Variants in VWF observed in about 807,000 individuals in gnomAD.
VWF encodes the protein von Willebrand factor, also known as Factor VIII related antigen.
A neutral mutation model predicts 308.6 loss-of-function variants in VWF; 176 were observed. That is an observed-to-expected ratio of 0.57 (90% CI 0.50 to 0.65). The LOEUF (loss-of-function observed/expected upper bound fraction) is 0.65, where lower values mean the gene tolerates loss of function less well. Ranked by LOEUF, VWF falls within the 30% of genes least tolerant of loss-of-function variation. VWF has a pLI of 0.00. For missense variants in VWF, 3,146 were observed against 3,648.2 expected (o/e 0.86, Z 3.55); for synonymous variants, 1,385 against 1,443.4 (o/e 0.96, Z 0.92).
chr12:6,100,015 G>C (rs1397720712), intron 5 of VWF, among the ~76,000 whole-genome samples: 2 of 151,452 alleles, frequency 1.3e-5, no homozygotes, highest in African/African-American at 4.9e-5. Flanking sequence ...CTAATATCCA[G>C]AATCTACAAT....
At chr12:5,973,482 C>A (rs117177297) in intron 43 of VWF, among the ~76,000 whole-genome samples, 4 of 152,198 alleles carry the variant, frequency 2.6e-5, no homozygotes, top group Non-Finnish European at 5.9e-5. Flanking sequence ...GGTCACTTGT[C>A]CCCTCTGAGG....
At chr12:6,048,934 G>A (rs1303853890) in intron 16 of VWF, among the ~76,000 whole-genome samples, 1 of 152,134 alleles carries the variant, frequency 6.6e-6, no homozygotes, top group African/African-American at 2.4e-5. Context: ...CCCCGTAAAT[G>A]TCATGTTCAA....
Position 5,967,370 on chromosome 12 carries a change from T to C in VWF, c.7887+116A>G, listed in dbSNP as rs571713194. ...TCTTCTTTATTATTGTCAATTATTG[T>C]TTATAATCAGAAAATAATGAGAGAT... On this transcript the variant is annotated intron_variant, in intron 47 of 51. Coordinates refer to ENST00000261405, the MANE Select transcript of VWF (RefSeq NM_000552.5). 10 of 902,036 alleles carry C rather than the reference T, an allele frequency of 1.1e-5. No individual in the cohort carries two copies. The Middle Eastern group carries it at 9.5e-4, about 86-fold the overall frequency. The allele number at this position is 902,036 out of a possible 1,614,324, so 55.9% of individuals were successfully genotyped here. A position where few individuals can be genotyped will look rare whatever the true frequency, so the allele number is the denominator to read the frequency against.
intron 50 of VWF, among the ~76,000 whole-genome samples, chr12:5,950,864 T>C (rs976555368): frequency 6.6e-6 from 1 of 152,176 alleles, no homozygotes; most frequent in Non-Finnish European, 1.5e-5. Flanking sequence ...TCTTCTTCTC[T>C]GATGGTTTCC....
intron 40 of VWF, among the ~76,000 whole-genome samples, chr12:5,984,224 A>G (rs1182807546): frequency 6.6e-6 from 1 of 152,180 alleles, no homozygotes; most frequent in African/African-American, 2.4e-5. Flanking sequence ...ATTGTAGGAG[A>G]CTAGTAATGT....
rs1565391026 is a variant in VWF at position 6,103,431 on chromosome 12, C to CACACGTGTGTGTATACACGT, written c.532+6942_532+6943insACGTGTATACACACACGTGT. On this transcript the variant is annotated intron_variant, in intron 5 of 51. Coordinates refer to ENST00000261405, the MANE Select transcript of VWF (RefSeq NM_000552.5). Reference sequence around the variant, plus strand: ...GTATACACACGTGTGTGTATACACACGTGTGTATATACATACACATATATG... The same window carrying CACACGTGTGTGTATACACGT: ...GTATACACACGTGTGTGTATACACACACACGTGTGTGTATACACGTGTGTGTATATACATACACATATATG... Among the ~76,000 whole-genome samples the CACACGTGTGTGTATACACGT allele has an allele frequency of 1.6e-4, 18 of 111,652 alleles. 1 individual carries two copies. Among genetic ancestry groups the CACACGTGTGTGTATACACGT allele is most frequent in the African/African-American group, 3.4e-4 (8 of 23,324 alleles). The allele number at this position is 111,652 out of a possible 152,430, so 73.2% of individuals were successfully genotyped here.
At chr12:5,964,274 GCATACATA>G (rs59202475) in intron 47 of VWF, among the ~76,000 whole-genome samples, 4,326 of 134,722 alleles carry the variant, frequency 0.032, 250 homozygotes, top group African/African-American at 0.13. Flanking sequence ...ATACATACAT[GCATACATA>G]CATGCATACA....
At chr12:6,068,261 A>G (rs1944741035) in intron 10 of VWF, among the ~76,000 whole-genome samples, 1 of 152,064 alleles carries the variant, frequency 6.6e-6, no homozygotes, top group Non-Finnish European at 1.5e-5. Flanking sequence ...CCTCTTCTAA[A>G]CAAACCCTTT....
At chr12:6,052,072 A>G (rs151226295) in intron 16 of VWF, among the ~76,000 whole-genome samples, 1 of 152,350 alleles carries the variant, frequency 6.6e-6, no homozygotes, top group Non-Finnish European at 1.5e-5. Flanking sequence ...AGCTGCAGGA[A>G]GCAAGCATGA....
intron 34 of VWF, among the ~76,000 whole-genome samples, chr12:5,998,465 C>CAAAAAAA (rs1179417103): frequency 7.3e-5 from 4 of 54,586 alleles, no homozygotes; most frequent in African/African-American, 1.6e-4. Flanking sequence ...GAGACTCCGT[C>CAAAAAAA]AAAAAAAAAA....
In VWF at chr12:6,003,812, C is replaced by CTA. The variant is rs1376255382; in HGVS notation, c.5843-7591_5843-7590insTA. On this transcript the variant is annotated intron_variant, in intron 34 of 51. Coordinates refer to ENST00000261405, the MANE Select transcript of VWF (RefSeq NM_000552.5). Reference sequence around the variant, plus strand: ...ACAACAATGTGGATTTTCTTTCTCTCTCTTTTTTTTTTTTTTTTTTTGAGA... The same window carrying CTA: ...ACAACAATGTGGATTTTCTTTCTCTCTATCTTTTTTTTTTTTTTTTTTTGAGA... 2.5e-5 allele frequency among the ~76,000 whole-genome samples: 3 copies of CTA among 121,612 alleles called. No homozygotes were observed. The East Asian group carries it at 7.4e-4, about 30-fold the overall frequency. 79.8% of individuals were successfully genotyped at this position (121,612 alleles called of 152,430 possible). A position where few individuals can be genotyped will look rare whatever the true frequency, so the allele number is the denominator to read the frequency against.
At chr12:6,069,131 C>G (rs930030032) in intron 10 of VWF, among the ~76,000 whole-genome samples, 1 of 152,130 alleles carries the variant, frequency 6.6e-6, no homozygotes, top group South Asian at 2.1e-4. Flanking sequence ...GCTGGGATTA[C>G]AGGCGTGAGC....
intron 40 of VWF, 73 bp from the exon 41 acceptor site, chr12:5,983,327 C>T (rs1446911111): frequency 1.4e-6 from 2 of 1,428,634 alleles, no homozygotes; most frequent in African/African-American, 1.4e-5. Flanking sequence ...GAGTGGGATG[C>T]TACATTCCTA....
chr12:6,015,884 G>A (rs193105587), intron 31 of VWF, among the ~76,000 whole-genome samples: 2 of 152,252 alleles, frequency 1.3e-5, no homozygotes, highest in Non-Finnish European at 2.9e-5. Context: ...AAAGATATAG[G>A]ATCAATACAC....
chr12:6,118,255 C>T (rs373399431), intron 3 of VWF, among the ~76,000 whole-genome samples: 1 of 151,908 alleles, frequency 6.6e-6, no homozygotes. Flanking sequence ...TTTACCAGCC[C>T]GTCTCGGGGC....
At chr12:5,950,971 G>A (rs796118053) in intron 50 of VWF, among the ~76,000 whole-genome samples, 32 of 152,200 alleles carry the variant, frequency 2.1e-4, no homozygotes, top group African/African-American at 3.4e-4. Context: ...CAATTGCAGG[G>A]GCTGTCAAGA....
At chr12:6,010,672 A>G (rs1190646165) in intron 34 of VWF, among the ~76,000 whole-genome samples, 2 of 152,256 alleles carry the variant, frequency 1.3e-5, no homozygotes, top group African/African-American at 2.4e-5. Flanking sequence ...AGTATTAGGA[A>G]GCTCTCTTTG....
intron 44 of VWF, 145 bp from the exon 45 acceptor site, chr12:5,969,536 C>T (rs75550257): frequency 2.9e-4 from 282 of 956,236 alleles, no homozygotes; most frequent in African/African-American, 2.5e-3. Context: ...GTAGGGCCCA[C>T]GGAGGGGATG....
intron 49 of VWF, 157 bp downstream of exon 49, chr12:5,952,234 G>T: frequency 9.2e-7 from 1 of 1,091,644 alleles, no homozygotes. Flanking sequence ...TTATCTCTCC[G>T]TAGGCTTTGA....
Sources: gnomAD v4.1 joint callset for allele counts (sites outside exome capture counted in the v4.1 genomes callset) on GRCh38, gnomAD v4.1.1 for gene constraint, MANE v1.5 for transcripts, NCBI Gene and HGNC (gene_info 2026-07-23, HGNC 2026-07-21) for gene names.